Variants in SRBD1 observed in about 807,000 individuals in gnomAD.
SRBD1 encodes the protein S1 RNA binding domain 1, also known as S1 RNA-binding domain-containing protein 1.
SRBD1 carries 88 observed loss-of-function variants against 115.3 expected under a neutral mutation model. The observed-to-expected ratio is 0.76, with a 90% CI of 0.64 to 0.91. The LOEUF (loss-of-function observed/expected upper bound fraction) is 0.91, where lower values mean the gene tolerates loss of function less well. Ranked by LOEUF, SRBD1 falls within the 40% of genes least tolerant of loss-of-function variation. The pLI is 0.00. For missense variants in SRBD1, 1,385 were observed against 1,177.4 expected (o/e 1.18, Z -2.58); for synonymous variants, 509 against 407.7 (o/e 1.25, Z -2.99).
intron 14 of SRBD1, among the ~76,000 whole-genome samples, chr2:45,502,346 A>G (rs1319330978): frequency 6.6e-6 from 1 of 152,240 alleles, no homozygotes; most frequent in Non-Finnish European, 1.5e-5. Flanking sequence ...TACCCAAAGG[A>G]TTATAAATCA....
intron 16 of SRBD1, among the ~76,000 whole-genome samples, chr2:45,463,021 G>T (rs930625161): frequency 1.6e-4 from 5 of 31,822 alleles, no homozygotes; most frequent in Admixed American, 4.4e-4. Flanking sequence ...ATAACCCGGG[G>T]GGGGGGGGGG....
intron 16 of SRBD1, among the ~76,000 whole-genome samples, chr2:45,459,972 G>A (rs888983787): frequency 6.6e-6 from 1 of 152,110 alleles, no homozygotes; most frequent in South Asian, 2.1e-4. Flanking sequence ...ATAACCCAAC[G>A]GCAAGGATGG....
chr2:45,599,952 C>T, intron 3 of SRBD1, 117 bp from the exon 4 acceptor site: 1 of 1,210,234 alleles, frequency 8.3e-7, no homozygotes, highest in Non-Finnish European at 1.1e-6. Flanking sequence ...TTGGAAGAAT[C>T]TCAAGTAAAT....
intron 1 of SRBD1, among the ~76,000 whole-genome samples, chr2:45,610,100 G>T (rs1041149527): frequency 6.6e-6 from 1 of 152,122 alleles, no homozygotes; most frequent in African/African-American, 2.4e-5. Context: ...CAGTGACTTG[G>T]GATTTTTCCC....
At chr2:45,573,978 G>A (rs1469880524) in intron 8 of SRBD1, among the ~76,000 whole-genome samples, 2 of 151,992 alleles carry the variant, frequency 1.3e-5, no homozygotes, top group Non-Finnish European at 2.9e-5. Flanking sequence ...CAAACCTCTA[G>A]CAGAAACCTG....
intron 4 of SRBD1, among the ~76,000 whole-genome samples, chr2:45,594,188 C>T (rs1473340985): frequency 6.6e-6 from 1 of 152,142 alleles, no homozygotes; most frequent in African/African-American, 2.4e-5. Flanking sequence ...GAAATGTTGA[C>T]CACTTTTTGT....
chr2:45,452,037 T>C (rs1366861827), intron 16 of SRBD1, among the ~76,000 whole-genome samples: 1 of 151,966 alleles, frequency 6.6e-6, no homozygotes. Context: ...TTATACTCCG[T>C]ATTGTTACTT....
At chr2:45,609,417 A>C (rs2104276185) in intron 1 of SRBD1, among the ~76,000 whole-genome samples, 1 of 152,278 alleles carries the variant, frequency 6.6e-6, no homozygotes, top group African/African-American at 2.4e-5. Flanking sequence ...CTCGCCTCTT[A>C]ACTGCCCTCC....
chr2:45,562,389 G>C (rs773384387), intron 10 of SRBD1, among the ~76,000 whole-genome samples: 2 of 152,052 alleles, frequency 1.3e-5, no homozygotes, highest in East Asian at 1.9e-4. Context: ...ACCATGCCCA[G>C]CTAATTTTTT....
At chr2:45,414,959 CACAT>C (rs1212017306) in intron 18 of SRBD1, among the ~76,000 whole-genome samples, 5 of 106,262 alleles carry the variant, frequency 4.7e-5, no homozygotes, top group African/African-American at 1.8e-4. Context: ...TACATACACA[CACAT>C]ATAGTGTGTA....
chr2:45,592,048 G>T (rs571962618), intron 4 of SRBD1, among the ~76,000 whole-genome samples: 5 of 152,106 alleles, frequency 3.3e-5, no homozygotes, highest in East Asian at 1.9e-4. Flanking sequence ...CTATTCTTGC[G>T]ATAGTGAATA....
At chr2:45,437,894 G>A (rs1342956565) in intron 16 of SRBD1, among the ~76,000 whole-genome samples, 1 of 152,100 alleles carries the variant, frequency 6.6e-6, no homozygotes, top group Admixed American at 6.5e-5. Context: ...ATTCATAATA[G>A]AAATAATTGA....
intron 14 of SRBD1, chr2:45,546,409 T>C (rs1672120590): frequency 1.1e-6 from 1 of 896,336 alleles, no homozygotes; most frequent in Non-Finnish European, 1.3e-6. Flanking sequence ...GCTGCTAGCC[T>C]GGTACATCAT....
At chr2:45,577,725 C>T (rs1448113590) in intron 7 of SRBD1, among the ~76,000 whole-genome samples, 2 of 151,762 alleles carry the variant, frequency 1.3e-5, no homozygotes, top group African/African-American at 4.8e-5. Flanking sequence ...AATTATGAAA[C>T]TTCTTTCGAA....
chr2:45,571,371 C>A (rs1012194490), intron 9 of SRBD1, among the ~76,000 whole-genome samples: 1 of 148,834 alleles, frequency 6.7e-6, no homozygotes, highest in Admixed American at 6.7e-5. Flanking sequence ...AGTGGCCACA[C>A]ATAGCAAACA....
chr2:45,534,062 C>G (rs957058624), intron 14 of SRBD1, among the ~76,000 whole-genome samples: 2 of 151,922 alleles, frequency 1.3e-5, no homozygotes, highest in African/African-American at 4.8e-5. Flanking sequence ...ATTGGACTTA[C>G]GAACACAAAA....
chr2:45,564,709 AC>A (rs1400274738), intron 9 of SRBD1, among the ~76,000 whole-genome samples: 3 of 152,244 alleles, frequency 2.0e-5, no homozygotes, highest in African/African-American at 7.2e-5. Context: ...TACACGGTTG[AC>A]CTTTGAACAA....
At chr2:45,513,137 A>C (rs1671018957) in intron 14 of SRBD1, among the ~76,000 whole-genome samples, 1 of 152,126 alleles carries the variant, frequency 6.6e-6, no homozygotes, top group African/African-American at 2.4e-5. Context: ...TCCTGGCCCT[A>C]ACAATATTCT....
chr2:45,532,931 G>C (rs1204718564), intron 14 of SRBD1, among the ~76,000 whole-genome samples: 2 of 151,926 alleles, frequency 1.3e-5, no homozygotes, highest in Non-Finnish European at 2.9e-5. Context: ...TCTCAACAAA[G>C]GATTTCAGTA....
Sources: allele counts gnomAD v4.1 joint callset (sites outside exome capture counted in the v4.1 genomes callset), GRCh38; gene constraint gnomAD v4.1.1; transcripts MANE v1.5; gene names NCBI Gene and HGNC (gene_info 2026-07-23, HGNC 2026-07-21).